The following QRFPR variants were observed in gnomAD, a reference collection of about 807,000 sequenced individuals.
The protein encoded by QRFPR is pyroglutamylated RFamide peptide receptor.
QRFPR carries 37 observed loss-of-function variants against 31.3 expected under a neutral mutation model. The ratio of observed to expected loss-of-function variants is 1.18; its 90% confidence interval spans 0.91 to 1.56. The LOEUF is 1.56. QRFPR is among the 40% of genes most tolerant of loss of function. The pLI, the probability that QRFPR is intolerant of heterozygous loss-of-function variation, is 0.00. For missense variants in QRFPR, 542 were observed against 532.5 expected (o/e 1.02, Z -0.18); for synonymous variants, 197 against 192.0 (o/e 1.03, Z -0.22).
chr4:121,379,676 G>A (rs989304072), intron 1 of QRFPR, among the ~76,000 whole-genome samples: 5 of 151,990 alleles, frequency 3.3e-5, no homozygotes, highest in Admixed American at 6.5e-5. Flanking sequence ...ATAATAGGAG[G>A]GCATCAGTTT....
rs565328219 is a variant in QRFPR, at chr4:121,380,495, G to A, written c.153C>T (p.Thr51=). 10 of 1,614,172 alleles carry A rather than the reference G, an allele frequency of 6.2e-6. No individual in the cohort carries two copies. In the Admixed American group the frequency reaches 6.7e-5, roughly 11 times the overall value. ...PGRAKLALVL[T]GVLIFALALF... ...GCGCCAGGGCGAAGATGAGCACGCC[G>A]GTGAGCACGAGGGCCAGCTTGGCGC... Residue 51 remains threonine, a synonymous_variant, in exon 1 of 6, where the codon ACC becomes ACT. Transcript: ENST00000394427.
intron 1 of QRFPR, among the ~76,000 whole-genome samples, chr4:121,365,510 ATATATATTATATATATT>A (rs1726079070): frequency 1.1e-3 from 3 of 2,724 alleles, no homozygotes; most frequent in South Asian, 0.04. Context: ...AATATATATA[ATATATATTATATATATT>A]ATATATAATA....
chr4:121,340,453 T>C lies in QRFPR; in HGVS notation c.498A>G (p.Leu166=). The C allele has an allele frequency of 1.9e-6, 3 of 1,613,992 alleles. No individual in the cohort carries two copies. The highest frequency in any genetic ancestry group is 2.5e-6 in the Non-Finnish European group (3 of 1,179,896). The change falls in exon 2 of 6, where the codon CTA becomes CTG. Residue 166 remains leucine, a splice_region_variant and synonymous_variant. Transcript: ENST00000394427. ...QYTNRRAFTM[L]GVVWLVAVIV... ...CATTGGCACATCCAGTGGCCTCACC[T>C]AGCATTGTGAAAGCCCTTCGGTTGG...
At chr4:121,331,175 GTTTTTTTTTTTTTTTT>G (rs397995185) in intron 4 of QRFPR, among the ~76,000 whole-genome samples, 1 of 69,038 alleles carries the variant, frequency 1.4e-5, no homozygotes. Context: ...TATATCTTGG[GTTTTTTTTTTTTTTTT>G]TTTTTTTTTT....
chr4:121,379,477 A>G (rs1291058866), intron 1 of QRFPR, among the ~76,000 whole-genome samples: 2 of 152,190 alleles, frequency 1.3e-5, no homozygotes, highest in African/African-American at 4.8e-5. Context: ...TGAGAATACA[A>G]CACACTACTG....
intron 4 of QRFPR, among the ~76,000 whole-genome samples, chr4:121,331,622 C>CATTATTATT (rs59488750): frequency 0.016 from 2,238 of 142,702 alleles, 33 homozygotes; most frequent in Admixed American, 0.048. Flanking sequence ...CTCATTATCT[C>CATTATTATT]ATTATTATTA....
rs1244819177 is a variant in QRFPR at position 121,380,885 on chromosome 4, G to A, written c.-238C>T. ...CAAAGCACTGGGAGACTCGATCTCAGTGACCAAAAAATGTTCGCGGTTCAA... is the reference window on the plus strand; with the variant it reads ...CAAAGCACTGGGAGACTCGATCTCAATGACCAAAAAATGTTCGCGGTTCAA... On this transcript the variant is annotated 5_prime_UTR_variant, in exon 1 of 6. Coordinates refer to ENST00000394427, the MANE Select transcript of QRFPR (RefSeq NM_198179.3). The A allele has an allele frequency of 2.6e-5, 13 of 496,810 alleles. No homozygotes were observed. In the East Asian group the frequency reaches 4.2e-4, roughly 16 times the overall value. 30.8% of individuals were successfully genotyped at this position (496,810 alleles called of 1,614,324 possible).
intron 4 of QRFPR, among the ~76,000 whole-genome samples, chr4:121,331,491 T>A (rs1725324300): frequency 6.6e-6 from 1 of 151,530 alleles, no homozygotes. Context: ...GCCTGATATA[T>A]CTTAAAAACA....
intron 2 of QRFPR, among the ~76,000 whole-genome samples, chr4:121,337,878 G>A (rs758310804): frequency 1.1e-4 from 16 of 152,124 alleles, no homozygotes; most frequent in Admixed American, 2.6e-4. Context: ...ATTTCAACCC[G>A]TGTGTTTTAA....
At chr4:121,377,413 ATT>A (rs10551009) in intron 1 of QRFPR, among the ~76,000 whole-genome samples, 2,060 of 138,500 alleles carry the variant, frequency 0.015, 48 homozygotes, top group African/African-American at 0.051. Flanking sequence ...ATATATATAT[ATT>A]TTTTTTTTTT....
intron 1 of QRFPR, among the ~76,000 whole-genome samples, chr4:121,372,827 C>T (rs1325548016): frequency 6.6e-6 from 1 of 152,120 alleles, no homozygotes; most frequent in African/African-American, 2.4e-5. Context: ...TCCATTTGTC[C>T]ATCGATGGAC....
At chr4:121,351,982 T>C (rs1725769530) in intron 1 of QRFPR, among the ~76,000 whole-genome samples, 1 of 152,090 alleles carries the variant, frequency 6.6e-6, no homozygotes. Flanking sequence ...AATATATTCA[T>C]GTACAGACAT....
At chr4:121,352,570 TAA>T (rs1372682114) in intron 1 of QRFPR, among the ~76,000 whole-genome samples, 1 of 152,092 alleles carries the variant, frequency 6.6e-6, no homozygotes, top group Non-Finnish European at 1.5e-5. Flanking sequence ...CCTAATTTTT[TAA>T]AAGTTATTTT....
At chr4:121,347,411 C>T (rs1053662236) in intron 1 of QRFPR, among the ~76,000 whole-genome samples, 8 of 152,158 alleles carry the variant, frequency 5.3e-5, no homozygotes, top group African/African-American at 1.2e-4. Flanking sequence ...AGATTACCTT[C>T]TTGGGTAGAT....
Position 121,329,342 on chromosome 4 carries a change from T to C in QRFPR, c.1268A>G (p.Glu423Gly), listed in dbSNP as rs111421986. ...ATGCCCACTGTCTAAAGGAGAATTC[T>C]CAGCCAGTTCAGACCTAAAGAGAGC... ...HLALFRSELA[E>G]NSPLDSGH The change falls in exon 6 of 6, where the codon GAG becomes GGG. Residue 423 changes from glutamate to glycine, a missense_variant. Coordinates refer to ENST00000394427, the MANE Select transcript of QRFPR (RefSeq NM_198179.3). 5 of 1,613,426 alleles carry C rather than the reference T, an allele frequency of 3.1e-6. No homozygotes were observed. In the African/African-American group the frequency reaches 4.0e-5, roughly 13 times the overall value.
At chr4:121,331,184 T>A (rs1310445885) in intron 4 of QRFPR, among the ~76,000 whole-genome samples, 1 of 137,388 alleles carries the variant, frequency 7.3e-6, no homozygotes, top group African/African-American at 2.8e-5. Flanking sequence ...GGTTTTTTTT[T>A]TTTTTTTTTT....
At chr4:121,369,093 A>T (rs10030200) in intron 1 of QRFPR, among the ~76,000 whole-genome samples, 1 of 152,052 alleles carries the variant, frequency 6.6e-6, no homozygotes, top group East Asian at 1.9e-4. Context: ...TAATGGCGTG[A>T]TCTCGGCTCA....
chr4:121,379,835 G>A (rs1726436664), intron 1 of QRFPR, among the ~76,000 whole-genome samples: 1 of 152,214 alleles, frequency 6.6e-6, no homozygotes, highest in Non-Finnish European at 1.5e-5. Flanking sequence ...CTGGAGGGTG[G>A]GGGAATGAGG....
chr4:121,358,587 C>CA (rs1314500359), intron 1 of QRFPR, among the ~76,000 whole-genome samples: 1 of 152,020 alleles, frequency 6.6e-6, no homozygotes, highest in Admixed American at 6.6e-5. Flanking sequence ...TTATTCTTAA[C>CA]AGAATAGTTG....
Sources: gnomAD v4.1 joint callset for allele counts (sites outside exome capture counted in the v4.1 genomes callset) on GRCh38, gnomAD v4.1.1 for gene constraint, MANE v1.5 for transcripts, NCBI Gene and HGNC (gene_info 2026-07-23, HGNC 2026-07-21) for gene names.